GLP2R: variants seen among roughly 807,000 people sequenced by gnomAD.
The protein encoded by GLP2R is glucagon like peptide 2 receptor.
In GLP2R, 59 loss-of-function variants were observed where a neutral mutation model predicts 68.2. The ratio of observed to expected loss-of-function variants is 0.87; its 90% CI spans 0.70 to 1.07. GLP2R has a LOEUF of 1.07. Ranked by LOEUF, GLP2R falls within the 50% of genes least tolerant of loss-of-function variation. GLP2R has a pLI of 0.00. For missense variants in GLP2R, 548 were observed against 677.4 expected, an observed-to-expected ratio of 0.81 and a Z score of 2.12; for synonymous variants, 270 against 265.4, an observed-to-expected ratio of 1.02 and a Z score of -0.17.
At position 9,889,591 on chromosome 17, in the gene GLP2R, G is replaced by T; in HGVS notation, c.1548G>T (p.Gln516His). 1 of 1,614,136 alleles carries T rather than the reference G, an allele frequency of 6.2e-7. No individual in the cohort carries two copies. Among genetic ancestry groups the T allele is most frequent in the Non-Finnish European group, 8.5e-7 (1 of 1,179,982 alleles). ...GAGGTCTTGGGGAGCTGGGCGCCCAGCCCCAACAGGACCATGCACGCTGGC... is the reference window on the plus strand; with the variant it reads ...GAGGTCTTGGGGAGCTGGGCGCCCATCCCCAACAGGACCATGCACGCTGGC... ...AMRGLGELGA[Q>H]PQQDHARWPR... The change falls in exon 13 of 13, where the codon CAG becomes CAT. Residue 516 changes from glutamine (Q) to histidine (H), a missense_variant. By Grantham distance (24) the Gln-to-His change is conservative (BLOSUM62 0). Coordinates refer to ENST00000262441, the MANE Select transcript of GLP2R (RefSeq NM_004246.3).
At position 9,890,779 on chromosome 17, in the gene GLP2R, T is replaced by C. The variant is rs989553669; in HGVS notation, c.*1074T>C. ...AAGCAGGAGGGCCCAGGTAAAGCAA[T>C]AGGAGTTTGGCTGGATCTGGACATG... On this transcript the variant is annotated 3_prime_UTR_variant, in exon 13 of 13. Transcript: ENST00000262441. 1 of 152,038 alleles carries C rather than the reference T, an allele frequency of 6.6e-6. No individual in the cohort carries two copies. The highest frequency in any genetic ancestry group is 2.4e-5 in the African/African-American group (1 of 41,352). 9.4% of individuals were successfully genotyped at this position (152,038 alleles called of 1,614,324 possible).
intron 10 of GLP2R, among the ~76,000 whole-genome samples, chr17:9,872,136 G>A (rs1281835629): frequency 6.6e-6 from 1 of 152,274 alleles, no homozygotes; most frequent in Non-Finnish European, 1.5e-5. Context: ...GAAGGCAGAA[G>A]AGGTGGGCAC....
At chr17:9,829,161 G>GT (rs1377747008) in intron 1 of GLP2R, among the ~76,000 whole-genome samples, 2 of 152,104 alleles carry the variant, frequency 1.3e-5, no homozygotes, top group Non-Finnish European at 2.9e-5. Context: ...AAGCAGGGAG[G>GT]TAGTGTTATC....
Position 9,890,274 on chromosome 17 carries a change from C to T in GLP2R, c.*569C>T, listed in dbSNP as rs888203220. The T allele has an allele frequency of 1.5e-5, 5 of 339,268 alleles. No homozygotes were observed. The highest frequency in any genetic ancestry group is 1.1e-4 in the African/African-American group (5 of 46,088). The allele number at this position is 339,268 out of a possible 1,614,324, so 21.0% of individuals were successfully genotyped here. On this transcript the variant is annotated 3_prime_UTR_variant, in exon 13 of 13. Transcript: ENST00000262441. ...GCAGGGTGAGAGGGAGCTAGAAGCG[C>T]CCCCATGTGGCCATGGCAGGATGCT... is the stretch of plus-strand genomic sequence containing the variant.
chr17:9,879,280 AT>A (rs2067169836), intron 10 of GLP2R, among the ~76,000 whole-genome samples: 2 of 26,664 alleles, frequency 7.5e-5, no homozygotes, highest in African/African-American at 7.7e-4. Context: ...ATAAAATAAA[AT>A]AAAATAAAAT....
At position 9,857,886 on chromosome 17, in the gene GLP2R, C is replaced by T. The variant is rs76898172; in HGVS notation, c.765+310C>T. Among the ~76,000 whole-genome samples the T allele has an allele frequency of 4.3e-3, 658 of 152,272 alleles. 4 individuals are homozygous for T. Among genetic ancestry groups the T allele is most frequent in the African/African-American group, 0.015 (617 of 41,542 alleles). On this transcript the variant is annotated intron_variant, in intron 6 of 12. Coordinates refer to ENST00000262441, the MANE Select transcript of GLP2R (RefSeq NM_004246.3). ...ACAATTATAGCTGGCCCTCTGTATC[C>T]GTGAGTTCTGCATTCATGAATTTAA...
chr17:9,851,092 A>C (rs1167938676), intron 4 of GLP2R, among the ~76,000 whole-genome samples: 1 of 152,194 alleles, frequency 6.6e-6, no homozygotes, highest in Non-Finnish European at 1.5e-5. Context: ...ACAGACAAAA[A>C]AAAGACATGT....
intron 8 of GLP2R, among the ~76,000 whole-genome samples, chr17:9,861,560 A>C (rs2066987770): frequency 1.3e-5 from 2 of 152,204 alleles, no homozygotes; most frequent in South Asian, 4.1e-4. Context: ...CATTGAACAA[A>C]CTGTAATATA....
chr17:9,842,772 T>C (rs2066800229), intron 4 of GLP2R, among the ~76,000 whole-genome samples, 156 bp downstream of exon 4: 2 of 152,138 alleles, frequency 1.3e-5, no homozygotes, highest in Admixed American at 6.5e-5. Context: ...GCAGCAACCC[T>C]TGTGGCGGCC....
At chr17:9,880,744 G>T (rs538538068) in intron 11 of GLP2R, among the ~76,000 whole-genome samples, 1 of 152,318 alleles carries the variant, frequency 6.6e-6, no homozygotes, top group East Asian at 1.9e-4. Flanking sequence ...TCTCTTTCCT[G>T]GGTGGTAATA....
intron 4 of GLP2R, among the ~76,000 whole-genome samples, chr17:9,850,359 C>T (rs1162725245): frequency 6.6e-6 from 1 of 152,188 alleles, no homozygotes; most frequent in Non-Finnish European, 1.5e-5. Context: ...TATCCCTTTG[C>T]CCTAATCAAT....
chr17:9,861,728 C>T (rs1268914180), intron 8 of GLP2R, among the ~76,000 whole-genome samples: 1 of 152,136 alleles, frequency 6.6e-6, no homozygotes, highest in East Asian at 1.9e-4. Flanking sequence ...ACACAAAAAA[C>T]TACATAATTA....
At chr17:9,883,091 A>C (rs905296389) in intron 11 of GLP2R, among the ~76,000 whole-genome samples, 2 of 152,162 alleles carry the variant, frequency 1.3e-5, no homozygotes, top group Non-Finnish European at 2.9e-5. Flanking sequence ...TATTATAAAC[A>C]TGTTCAGAGA....
intron 10 of GLP2R, among the ~76,000 whole-genome samples, chr17:9,875,997 C>A (rs2067139337): frequency 6.6e-6 from 1 of 152,226 alleles, no homozygotes; most frequent in Non-Finnish European, 1.5e-5. Context: ...CCTGCCCCAG[C>A]CTCTGAAGTA....
rs549825436 is a variant in GLP2R, at chr17:9,826,265, C to CATT, written c.189+28_189+30dup. 1.9e-5 allele frequency: 29 copies of CATT among 1,526,296 alleles called. No homozygotes were observed. The highest frequency in any genetic ancestry group is 2.3e-5 in the Non-Finnish European group (26 of 1,138,256). 94.5% of individuals were successfully genotyped at this position (1,526,296 alleles called of 1,614,324 possible). A position where few individuals can be genotyped will look rare whatever the true frequency, so the allele number is the denominator to read the frequency against. On this transcript the variant is annotated intron_variant, in intron 1 of 12. Coordinates refer to ENST00000262441, the MANE Select transcript of GLP2R (RefSeq NM_004246.3). ...TTCCATCAAGCAAGTAAGAGCAGTT[C>CATT]ATTATTATTATTATTATCAGTTGTA...
chr17:9,850,647 T>C (rs1460864938), intron 4 of GLP2R, among the ~76,000 whole-genome samples: 3 of 152,052 alleles, frequency 2.0e-5, no homozygotes, highest in African/African-American at 7.2e-5. Flanking sequence ...TAACCCATGC[T>C]TTATTTGTGC....
intron 10 of GLP2R, among the ~76,000 whole-genome samples, chr17:9,875,730 G>T (rs1567735654): frequency 6.6e-6 from 1 of 152,228 alleles, no homozygotes; most frequent in Non-Finnish European, 1.5e-5. Context: ...ACAGAGTTCA[G>T]CAGACCGTCA....
chr17:9,830,647 G>T (rs1491002988), intron 1 of GLP2R, among the ~76,000 whole-genome samples: 2 of 152,120 alleles, frequency 1.3e-5, no homozygotes, highest in East Asian at 3.9e-4. Context: ...AACTCACAGG[G>T]GTGCTATGAG....
intron 10 of GLP2R, among the ~76,000 whole-genome samples, chr17:9,872,264 G>A (rs1346799925): frequency 6.6e-6 from 1 of 152,080 alleles, no homozygotes; most frequent in Non-Finnish European, 1.5e-5. Flanking sequence ...AATGTGCCTG[G>A]TACTGTGCTT....
Sources: allele counts gnomAD v4.1 joint callset (sites outside exome capture counted in the v4.1 genomes callset), GRCh38; gene constraint gnomAD v4.1.1; transcripts MANE v1.5; gene names NCBI Gene and HGNC (gene_info 2026-07-23, HGNC 2026-07-21).